NRXN1: variants seen among roughly 807,000 people sequenced by gnomAD.
The protein encoded by NRXN1 is neurexin-1.
NRXN1 carries 39 observed loss-of-function variants against 150.9 expected under a neutral mutation model. The observed-to-expected ratio is 0.26, with a 90% CI of 0.20 to 0.34. The LOEUF (loss-of-function observed/expected upper bound fraction) is 0.34, where lower values mean the gene tolerates loss of function less well. NRXN1 is among the 10% of genes least tolerant of loss of function. The probability of loss-of-function intolerance (pLI) is 1.00; values close to 1 mark genes in which losing one functional copy is unlikely to be tolerated. For synonymous variants in NRXN1, 924 were observed against 757.0 expected (o/e 1.22, Z -3.62); for missense variants, 1,815 against 1,949.9 (o/e 0.93, Z 1.30).
intron 5 of NRXN1, among the ~76,000 whole-genome samples, chr2:50,739,716 T>C (rs1356369727): frequency 6.6e-6 from 1 of 152,200 alleles, no homozygotes; most frequent in Non-Finnish European, 1.5e-5. Context: ...AATTTTAACA[T>C]TGTCTTCATT....
rs1554047726 is a variant in NRXN1, at chr2:50,753,964, T to TTGGG, written c.833-130350_833-130349insCCCA. ...TAAATTCATCATGACGATTTTTTTT[T>TTGGG]GGGGGGGGGCGGAATTCCCAATGGC... On this transcript the variant is annotated intron_variant, in intron 5 of 22. Coordinates refer to ENST00000401669, the MANE Select transcript of NRXN1 (RefSeq NM_001330078.2). Among the ~76,000 whole-genome samples, 17 of 118,040 alleles carry TTGGG rather than the reference T, an allele frequency of 1.4e-4. 1 individual carries two copies. Among genetic ancestry groups the TTGGG allele is most frequent in the African/African-American group, 4.4e-4 (13 of 29,774 alleles). 77.4% of individuals were successfully genotyped at this position (118,040 alleles called of 152,430 possible). A position where few individuals can be genotyped will look rare whatever the true frequency, so the allele number is the denominator to read the frequency against.
chr2:50,254,997 G>T (rs1228312037), intron 17 of NRXN1, among the ~76,000 whole-genome samples: 1 of 151,968 alleles, frequency 6.6e-6, no homozygotes, highest in Non-Finnish European at 1.5e-5. Flanking sequence ...TTGTTGAGAT[G>T]TGGTTTTGCC....
intron 21 of NRXN1, among the ~76,000 whole-genome samples, chr2:50,001,539 C>T (rs1052137383): frequency 2.0e-5 from 3 of 152,128 alleles, no homozygotes; most frequent in Non-Finnish European, 2.9e-5. Context: ...TTATCGCATT[C>T]ACATACCTAT....
At chr2:50,463,771 G>A (rs1157297643) in intron 17 of NRXN1, among the ~76,000 whole-genome samples, 2 of 151,728 alleles carry the variant, frequency 1.3e-5, no homozygotes, top group Non-Finnish European at 2.9e-5. Context: ...GCAACTGTAT[G>A]TAAAACATGG....
intron 18 of NRXN1, among the ~76,000 whole-genome samples, chr2:50,217,026 A>T (rs184824319): frequency 6.6e-6 from 1 of 152,230 alleles, no homozygotes; most frequent in African/African-American, 2.4e-5. Context: ...GTCAAAAGCA[A>T]TGACCTTGTC....
intron 17 of NRXN1, among the ~76,000 whole-genome samples, chr2:50,334,192 A>ATTTTATACATATATATATATATATATAT (rs1553457970): frequency 1.7e-5 from 2 of 118,982 alleles, no homozygotes; most frequent in African/African-American, 8.6e-5. Context: ...ACCAGGACCA[A>ATTTTATACATATATATATATATATATAT]ATATATATAT....
At chr2:50,541,103 A>G (rs894776837) in intron 9 of NRXN1, among the ~76,000 whole-genome samples, 1 of 152,258 alleles carries the variant, frequency 6.6e-6, no homozygotes, top group Non-Finnish European at 1.5e-5. Flanking sequence ...AAGAAATGTT[A>G]GGAGACACGG....
At chr2:50,629,061 G>C (rs1420186315) in intron 5 of NRXN1, among the ~76,000 whole-genome samples, 1 of 151,622 alleles carries the variant, frequency 6.6e-6, no homozygotes, top group Non-Finnish European at 1.5e-5. Flanking sequence ...GAAATTGTTT[G>C]GCATTCTCTT....
At chr2:50,025,921 A>G (rs922853784) in intron 21 of NRXN1, among the ~76,000 whole-genome samples, 1 of 152,208 alleles carries the variant, frequency 6.6e-6, no homozygotes, top group Non-Finnish European at 1.5e-5. Context: ...ACTTTAGCCT[A>G]TGTGGCCCAA....
Position 50,837,831 on chromosome 2 carries a change from T to A in NRXN1, c.832+84038A>T, listed in dbSNP as rs566646352. Among the ~76,000 whole-genome samples the A allele has an allele frequency of 5.9e-5, 9 of 152,286 alleles. No homozygotes were observed. In the South Asian group the frequency reaches 1.9e-3, roughly 32 times the overall value. ...TATTCCTTATACAAAAATAACAATTTAGTTTTATTAGGAAATACAGAAAAC... is the reference window on the plus strand; with the variant it reads ...TATTCCTTATACAAAAATAACAATTAAGTTTTATTAGGAAATACAGAAAAC... On this transcript the variant is annotated intron_variant, in intron 5 of 22. Transcript: ENST00000401669.
intron 17 of NRXN1, among the ~76,000 whole-genome samples, chr2:50,402,944 G>A (rs2103959965): frequency 6.6e-6 from 1 of 152,234 alleles, no homozygotes; most frequent in East Asian, 1.9e-4. Flanking sequence ...ACAGTAAAGT[G>A]TACTTAAAAT....
chr2:50,232,940 T>C (rs12468665), intron 18 of NRXN1, among the ~76,000 whole-genome samples: 12,272 of 152,106 alleles, frequency 0.081, 627 homozygotes, highest in African/African-American at 0.13. Flanking sequence ...ACCTTTAAGA[T>C]TTGAAGCTTC....
intron 15 of NRXN1, among the ~76,000 whole-genome samples, chr2:50,482,884 C>T (rs756794251): frequency 5.9e-5 from 9 of 151,824 alleles, no homozygotes; most frequent in Non-Finnish European, 1.2e-4. Flanking sequence ...AACCCCAACT[C>T]TACTAAAAAT....
At chr2:50,509,868 A>G (rs544697798) in intron 12 of NRXN1, among the ~76,000 whole-genome samples, 26 of 152,268 alleles carry the variant, frequency 1.7e-4, no homozygotes, top group East Asian at 5.8e-4. Context: ...AAGTGATGGT[A>G]TGAGAAGGTG....
At chr2:50,462,390 T>G (rs369250333) in intron 17 of NRXN1, among the ~76,000 whole-genome samples, 1 of 151,694 alleles carries the variant, frequency 6.6e-6, no homozygotes, top group East Asian at 1.9e-4. Context: ...ACATTTAAAC[T>G]AGGAAGAATA....
At chr2:50,356,913 C>T (rs2078857741) in intron 17 of NRXN1, among the ~76,000 whole-genome samples, 1 of 151,924 alleles carries the variant, frequency 6.6e-6, no homozygotes. Context: ...CAAAGAGATA[C>T]AAGAAAATAT....
intron 5 of NRXN1, chr2:50,919,582 A>T (rs1176067531): frequency 1.3e-5 from 2 of 151,634 alleles, no homozygotes; most frequent in African/African-American, 4.8e-5. Flanking sequence ...AAAAGTGGGG[A>T]AATTGAGAAA....
At chr2:50,152,348 C>T (rs1251899136) in intron 18 of NRXN1, among the ~76,000 whole-genome samples, 2 of 151,676 alleles carry the variant, frequency 1.3e-5, no homozygotes, top group Non-Finnish European at 3.0e-5. Context: ...TCTCAAGGTT[C>T]ATCCATGAAC....
Position 49,919,127 on chromosome 2 carries a change from T to TAATC in NRXN1, c.*2813_*2816dup, listed in dbSNP as rs371414430. 3.5e-4 allele frequency: 54 copies of TAATC among 152,202 alleles called. No individual in the cohort carries two copies. The highest frequency in any genetic ancestry group is 1.1e-3 in the African/African-American group (47 of 41,566). The allele number at this position is 152,202 out of a possible 1,614,324, so 9.4% of individuals were successfully genotyped here. A position where few individuals can be genotyped will look rare whatever the true frequency, so the allele number is the denominator to read the frequency against. ...ACATTACATGGATAAAAAAGAAGCATAATCAATCAGAAAAGTTACAGTCTA... is the reference window on the plus strand; with the variant it reads ...ACATTACATGGATAAAAAAGAAGCATAATCAATCAATCAGAAAAGTTACAGTCTA... On this transcript the variant is annotated 3_prime_UTR_variant, in exon 23 of 23. Transcript: ENST00000401669.
Sources: gnomAD v4.1 joint callset for allele counts (sites outside exome capture counted in the v4.1 genomes callset) on GRCh38, gnomAD v4.1.1 for gene constraint, MANE v1.5 for transcripts, NCBI Gene and HGNC (gene_info 2026-07-23, HGNC 2026-07-21) for gene names.